Variants in EXOC4 observed in about 807,000 individuals in gnomAD.
The protein encoded by EXOC4 is exocyst complex component 4, also known as SEC8-like 1.
Under a neutral mutation model 107.2 loss-of-function variants are expected in EXOC4, and 71 were observed. That is an observed-to-expected ratio of 0.66 (90% confidence interval 0.55 to 0.81). The LOEUF (loss-of-function observed/expected upper bound fraction) is 0.81. EXOC4 is among the 30% of genes least tolerant of loss of function. The probability of loss-of-function intolerance (pLI) is 0.00; values close to 1 mark genes in which losing one functional copy is unlikely to be tolerated. For synonymous variants in EXOC4, 456 were observed against 441.2 expected (o/e 1.03, Z -0.42); for missense variants, 1,108 against 1,189.6 (o/e 0.93, Z 1.01).
At chr7:133,427,897 C>G (rs1257244644) in intron 7 of EXOC4, among the ~76,000 whole-genome samples, 1 of 152,076 alleles carries the variant, frequency 6.6e-6, no homozygotes, top group Non-Finnish European at 1.5e-5. Flanking sequence ...GGGAAAAAAT[C>G]AATTGGTAGA....
At chr7:133,961,896 G>A (rs1315056281) in intron 14 of EXOC4, among the ~76,000 whole-genome samples, 5 of 152,338 alleles carry the variant, frequency 3.3e-5, no homozygotes, top group African/African-American at 9.6e-5. Flanking sequence ...TGTGGTCTAT[G>A]CACTCTAATG....
chr7:133,812,592 T>C (rs1175213377), intron 10 of EXOC4, among the ~76,000 whole-genome samples: 4 of 149,806 alleles, frequency 2.7e-5, no homozygotes, highest in Non-Finnish European at 4.5e-5. Flanking sequence ...TTAATGTAAC[T>C]ACTTTTTTTC....
chr7:133,841,524 T>G (rs976990380), intron 11 of EXOC4, among the ~76,000 whole-genome samples: 1 of 152,126 alleles, frequency 6.6e-6, no homozygotes, highest in Non-Finnish European at 1.5e-5. Context: ...TCCTTTTAGG[T>G]CCATTCTTAT....
chr7:134,096,471 G>A, the EXOC4 span, among the ~76,000 whole-genome samples: 1 of 152,082 alleles, frequency 6.6e-6, no homozygotes, highest in African/African-American at 2.4e-5. Flanking sequence ...ATATGAAGGG[G>A]AGTTTATTAA....
At chr7:133,638,408 G>C (rs775900600) in intron 10 of EXOC4, among the ~76,000 whole-genome samples, 1 of 152,132 alleles carries the variant, frequency 6.6e-6, no homozygotes, top group Non-Finnish European at 1.5e-5. Context: ...GCTCGGGGTA[G>C]ATATGTTTCT....
At chr7:134,037,336 C>CT (rs1028325665) in intron 17 of EXOC4, among the ~76,000 whole-genome samples, 2 of 152,132 alleles carry the variant, frequency 1.3e-5, no homozygotes, top group African/African-American at 4.8e-5. Context: ...ACCAGGGTGA[C>CT]TTTATTTCTT....
At chr7:133,288,054 C>T (rs1264946841) in intron 2 of EXOC4, among the ~76,000 whole-genome samples, 2 of 152,044 alleles carry the variant, frequency 1.3e-5, no homozygotes, top group Non-Finnish European at 2.9e-5. Flanking sequence ...AGAAACAAAA[C>T]TGTAAAGAAA....
At chr7:133,457,044 C>T (rs561407110) in intron 7 of EXOC4, among the ~76,000 whole-genome samples, 2 of 152,264 alleles carry the variant, frequency 1.3e-5, no homozygotes, top group Admixed American at 6.5e-5. Context: ...ACATAGTGCC[C>T]TGCATTCAAT....
At chr7:133,562,245 T>C (rs1426877372) in intron 9 of EXOC4, among the ~76,000 whole-genome samples, 1 of 152,218 alleles carries the variant, frequency 6.6e-6, no homozygotes, top group Non-Finnish European at 1.5e-5. Flanking sequence ...TTTAGTCCAC[T>C]GTGTGCTGCT....
intron 10 of EXOC4, among the ~76,000 whole-genome samples, chr7:133,780,007 C>G (rs1191352681): frequency 6.6e-6 from 1 of 152,130 alleles, no homozygotes; most frequent in Admixed American, 6.6e-5. Flanking sequence ...TGTGTACCCA[C>G]CGGAAGGAAC....
chr7:133,837,292 C>T (rs1451179985), intron 11 of EXOC4, among the ~76,000 whole-genome samples: 1 of 152,154 alleles, frequency 6.6e-6, no homozygotes, highest in African/African-American at 2.4e-5. Context: ...TTGCACAGTA[C>T]ACTTAATCTG....
intron 7 of EXOC4, among the ~76,000 whole-genome samples, chr7:133,389,593 A>G (rs1796805146): frequency 1.1e-5 from 1 of 88,240 alleles, no homozygotes; most frequent in African/African-American, 4.4e-5. Context: ...AAAAAAAAAA[A>G]AAGAGAGTCT....
At chr7:133,425,894 C>T (rs1797714705) in intron 7 of EXOC4, among the ~76,000 whole-genome samples, 1 of 152,166 alleles carries the variant, frequency 6.6e-6, no homozygotes, top group African/African-American at 2.4e-5. Flanking sequence ...ATCTGGAAGA[C>T]CCTGCTTTGA....
intron 7 of EXOC4, among the ~76,000 whole-genome samples, chr7:133,457,150 C>G (rs1340537163): frequency 6.6e-6 from 1 of 152,170 alleles, no homozygotes; most frequent in Non-Finnish European, 1.5e-5. Flanking sequence ...AGGGAAATGA[C>G]ATGGCTTTTC....
intron 9 of EXOC4, among the ~76,000 whole-genome samples, chr7:133,539,520 C>A (rs920459601): frequency 2.0e-5 from 3 of 151,244 alleles, no homozygotes; most frequent in African/African-American, 4.9e-5. Flanking sequence ...CAGTTGCATT[C>A]TCTTCCATGT....
chr7:134,052,830 A>G (rs983393542), intron 17 of EXOC4, among the ~76,000 whole-genome samples: 1 of 152,236 alleles, frequency 6.6e-6, no homozygotes, highest in Non-Finnish European at 1.5e-5. Context: ...ATTACAGATC[A>G]CTAGTGAAAA....
At chr7:133,827,579 CA>C in intron 11 of EXOC4, among the ~76,000 whole-genome samples, 1 of 152,316 alleles carries the variant, frequency 6.6e-6, no homozygotes, top group African/African-American at 2.4e-5. Flanking sequence ...CATCTGCCAC[CA>C]ACCTTACACA....
intron 14 of EXOC4, among the ~76,000 whole-genome samples, chr7:133,943,387 A>C (rs1461754264): frequency 2.0e-5 from 3 of 152,220 alleles, no homozygotes; most frequent in Non-Finnish European, 2.9e-5. Context: ...CTAATGCTAA[A>C]GGGAAAAGGT....
At chr7:133,553,697 A>AATAG (rs1397344147) in intron 9 of EXOC4, among the ~76,000 whole-genome samples, 2 of 152,110 alleles carry the variant, frequency 1.3e-5, no homozygotes, top group Admixed American at 6.6e-5. Flanking sequence ...ATGGAAATGG[A>AATAG]ATAGATAATG....
Sources: gnomAD v4.1 joint callset for allele counts (sites outside exome capture counted in the v4.1 genomes callset) on GRCh38, gnomAD v4.1.1 for gene constraint, MANE v1.5 for transcripts, NCBI Gene and HGNC (gene_info 2026-07-23, HGNC 2026-07-21) for gene names.